CNTNAP2: variants seen among roughly 807,000 people sequenced by gnomAD.
CNTNAP2 encodes the protein contactin-associated protein-like 2.
Under a neutral mutation model 155.2 loss-of-function variants are expected in CNTNAP2, and 98 were observed. That is an observed-to-expected ratio of 0.63 (90% CI 0.54 to 0.75). The LOEUF (loss-of-function observed/expected upper bound fraction) is 0.75. Among genes scored for constraint, CNTNAP2 ranks in the 30% least tolerant of loss-of-function variants. The pLI, the probability that CNTNAP2 is intolerant of heterozygous loss-of-function variation, is 0.00. For missense variants in CNTNAP2, 1,727 were observed against 1,688.1 expected (o/e 1.02, Z -0.40); for synonymous variants, 651 against 631.2 (o/e 1.03, Z -0.47).
At chr7:146,552,350 C>T (rs955753514) in intron 1 of CNTNAP2, among the ~76,000 whole-genome samples, 3 of 152,124 alleles carry the variant, frequency 2.0e-5, no homozygotes, top group African/African-American at 7.2e-5. Flanking sequence ...CGTTTTGCAG[C>T]TCAAAAATCT....
chr7:146,423,316 C>A (rs1796039642), intron 1 of CNTNAP2, among the ~76,000 whole-genome samples: 1 of 151,980 alleles, frequency 6.6e-6, no homozygotes, highest in African/African-American at 2.4e-5. Context: ...GTTTCCTTAG[C>A]TGTTTTGTTC....
At chr7:146,362,356 A>C (rs1795093906) in intron 1 of CNTNAP2, among the ~76,000 whole-genome samples, 1 of 152,148 alleles carries the variant, frequency 6.6e-6, no homozygotes, top group Admixed American at 6.5e-5. Context: ...CAGGTAAGGT[A>C]TGAGGTCCAA....
At chr7:148,334,371 T>C in intron 21 of CNTNAP2, among the ~76,000 whole-genome samples, 1 of 152,126 alleles carries the variant, frequency 6.6e-6, no homozygotes, top group Non-Finnish European at 1.5e-5. Context: ...TGACAGTCAA[T>C]CGGGTGGCCT....
At chr7:147,198,143 A>T (rs1802842906) in intron 8 of CNTNAP2, among the ~76,000 whole-genome samples, 3 of 152,094 alleles carry the variant, frequency 2.0e-5, no homozygotes, top group African/African-American at 7.2e-5. Flanking sequence ...TATAAAATGG[A>T]ATATATAAAA....
intron 1 of CNTNAP2, among the ~76,000 whole-genome samples, chr7:146,520,140 A>G (rs977143837): frequency 7.3e-5 from 11 of 151,510 alleles, no homozygotes; most frequent in African/African-American, 2.7e-4. Flanking sequence ...ACAATGACCC[A>G]AAACCTTTAA....
intron 18 of CNTNAP2, among the ~76,000 whole-genome samples, chr7:148,182,473 G>A (rs368675675): frequency 5.9e-5 from 9 of 152,156 alleles, no homozygotes; most frequent in South Asian, 2.1e-4. Context: ...CCATTTGCGC[G>A]CTTATCATTT....
At chr7:147,749,054 T>C (rs1797092772) in intron 13 of CNTNAP2, among the ~76,000 whole-genome samples, 1 of 152,224 alleles carries the variant, frequency 6.6e-6, no homozygotes, top group Admixed American at 6.5e-5. Context: ...AGTAGGTTTT[T>C]AGTTTTTGCA....
intron 13 of CNTNAP2, among the ~76,000 whole-genome samples, chr7:147,784,282 T>G (rs1043981376): frequency 6.7e-6 from 1 of 150,178 alleles, no homozygotes; most frequent in Non-Finnish European, 1.5e-5. Flanking sequence ...GAAGACACTA[T>G]TCAACCCATA....
At chr7:148,357,265 A>G (rs1798534846) in intron 21 of CNTNAP2, among the ~76,000 whole-genome samples, 1 of 152,168 alleles carries the variant, frequency 6.6e-6, no homozygotes, top group Non-Finnish European at 1.5e-5. Flanking sequence ...CTTGCCTGCC[A>G]CCATGTAAGA....
intron 3 of CNTNAP2, among the ~76,000 whole-genome samples, chr7:146,927,502 T>G (rs902682637): frequency 6.7e-6 from 1 of 149,944 alleles, no homozygotes; most frequent in East Asian, 1.9e-4. Flanking sequence ...AGATTAACTT[T>G]AAAACATAAT....
intron 1 of CNTNAP2, among the ~76,000 whole-genome samples, chr7:146,474,205 C>A (rs1796840183): frequency 6.6e-6 from 1 of 150,840 alleles, no homozygotes. Flanking sequence ...TTTCAAAGTG[C>A]ATTTATTTTT....
In CNTNAP2 at chr7:146,483,304, T is replaced by A. The variant is rs184533684; in HGVS notation, c.98-290967T>A. ...AAAAATATATATATATATATATATA[T>A]ATATATATATATATATATATATATA... On this transcript the variant is annotated intron_variant, in intron 1 of 23. Transcript: ENST00000361727. 5.6e-4 allele frequency among the ~76,000 whole-genome samples: 59 copies of A among 105,250 alleles called. 3 individuals are homozygous for A. Among genetic ancestry groups the A allele is most frequent in the Admixed American group, 2.2e-3 (21 of 9,358 alleles). 69.0% of individuals were successfully genotyped at this position (105,250 alleles called of 152,430 possible). A position where few individuals can be genotyped will look rare whatever the true frequency, so the allele number is the denominator to read the frequency against.
chr7:148,334,895 ACT>A (rs1036139965), intron 21 of CNTNAP2, among the ~76,000 whole-genome samples: 4 of 152,056 alleles, frequency 2.6e-5, no homozygotes, highest in South Asian at 2.1e-4. Context: ...TGATATCAAG[ACT>A]CTAATTTTAG....
At chr7:147,098,483 C>T (rs1255903874) in intron 4 of CNTNAP2, among the ~76,000 whole-genome samples, 1 of 152,142 alleles carries the variant, frequency 6.6e-6, no homozygotes, top group African/African-American at 2.4e-5. Flanking sequence ...ACTTCCACAA[C>T]CCCAGTCTTG....
chr7:147,017,451 A>G (rs1221181224), intron 3 of CNTNAP2, among the ~76,000 whole-genome samples: 1 of 152,092 alleles, frequency 6.6e-6, no homozygotes, highest in Non-Finnish European at 1.5e-5. Context: ...AATATATGCT[A>G]TAACTGCCTA....
rs190262015 is a variant in CNTNAP2, at chr7:146,748,072, T to C, written c.98-26199T>C. 2.1e-3 allele frequency among the ~76,000 whole-genome samples: 320 copies of C among 151,748 alleles called. 2 individuals carry two copies. Among genetic ancestry groups the C allele is most frequent in the African/African-American group, 7.6e-3 (313 of 41,454 alleles). On this transcript the variant is annotated intron_variant, in intron 1 of 23. Coordinates refer to ENST00000361727, the MANE Select transcript of CNTNAP2 (RefSeq NM_014141.6). ...GAAATGATCAACCTGATTTCAGAGA[T>C]GAGAATATTAAAGCCCAGAGAGTAA... is the stretch of plus-strand genomic sequence containing the variant.
intron 3 of CNTNAP2, among the ~76,000 whole-genome samples, chr7:147,005,212 A>G (rs919121909): frequency 1.3e-5 from 2 of 152,034 alleles, no homozygotes; most frequent in East Asian, 3.9e-4. Flanking sequence ...CTGATTTTCT[A>G]TCCACGGGAA....
At chr7:146,830,592 C>T (rs1213947359) in intron 2 of CNTNAP2, among the ~76,000 whole-genome samples, 6 of 152,048 alleles carry the variant, frequency 3.9e-5, no homozygotes, top group African/African-American at 1.4e-4. Flanking sequence ...AGTAAGGTTA[C>T]ATAATTCTTT....
At chr7:146,978,036 G>A (rs181587570) in intron 3 of CNTNAP2, among the ~76,000 whole-genome samples, 45 of 152,232 alleles carry the variant, frequency 3.0e-4, no homozygotes, top group African/African-American at 1.1e-3. Context: ...GAAGCAAAAA[G>A]CACATTCCCT....
Sources: allele counts gnomAD v4.1 joint callset (sites outside exome capture counted in the v4.1 genomes callset), GRCh38; gene constraint gnomAD v4.1.1; transcripts MANE v1.5; gene names NCBI Gene and HGNC (gene_info 2026-07-23, HGNC 2026-07-21).